The following USP42 variants were observed in gnomAD, a reference collection of about 807,000 sequenced individuals.
USP42 encodes ubiquitin carboxyl-terminal hydrolase 42.
In USP42, 23 loss-of-function variants were observed where a neutral mutation model predicts 113.0. That is an observed-to-expected ratio of 0.20 (90% CI 0.15 to 0.29). The LOEUF (loss-of-function observed/expected upper bound fraction) is 0.29. Ranked by LOEUF, USP42 falls within the 10% of genes least tolerant of loss-of-function variation. The pLI is 1.00. For synonymous variants in USP42, 933 were observed against 699.0 expected (o/e 1.33, Z -5.28); for missense variants, 2,174 against 1,779.8 (o/e 1.22, Z -3.99).
At chr7:6,134,375 G>C (rs1781016356) in intron 3 of USP42, among the ~76,000 whole-genome samples, 1 of 152,164 alleles carries the variant, frequency 6.6e-6, no homozygotes, top group Non-Finnish European at 1.5e-5. Flanking sequence ...TGTACTGTTT[G>C]ATTGGATGCC....
At position 6,139,218 on chromosome 7, in the gene USP42, A is replaced by G. The variant is rs1781318164; in HGVS notation, c.656+24A>G. 6.6e-7 allele frequency: 1 copy of G among 1,520,872 alleles called. No individual in the cohort carries two copies. The highest frequency in any genetic ancestry group is 1.2e-5 in the South Asian group (1 of 81,346). 94.2% of individuals were successfully genotyped at this position (1,520,872 alleles called of 1,614,324 possible). ...AAGTAAGTACAACAGAGCGCCAGCC[A>G]TGTCTTCATTGGGGATCTCTGGTTG... On this transcript the variant is annotated intron_variant, in intron 5 of 17. Coordinates refer to ENST00000306177, the MANE Select transcript of USP42 (RefSeq NM_032172.3). This position sits in a 1 kb window ranked among gnomAD's most constrained non-coding sequence, Gnocchi z 4.5.
At chr7:6,122,377 C>G (rs1460036755) in intron 3 of USP42, among the ~76,000 whole-genome samples, 1 of 151,294 alleles carries the variant, frequency 6.6e-6, no homozygotes, top group African/African-American at 2.4e-5. Context: ...CCTCAACCTT[C>G]TGGGTTCAAG....
At chr7:6,104,684 C>T (rs536304456), upstream of USP42, among the ~76,000 whole-genome samples, 42 of 152,272 alleles carry the variant, frequency 2.8e-4, no homozygotes, top group African/African-American at 9.9e-4. Context: ...GCGCGACCAG[C>T]CCAGCCAATC....
chr7:6,111,942 C>G (rs1779620022), intron 2 of USP42: 1 of 152,470 alleles, frequency 6.6e-6, no homozygotes, highest in Admixed American at 6.6e-5. Context: ...TAAGAATAAA[C>G]TTTATCTTGG....
chr7:6,088,544 A>T, the USP42 span, among the ~76,000 whole-genome samples: 1 of 151,166 alleles, frequency 6.6e-6, no homozygotes, highest in Non-Finnish European at 1.5e-5. Flanking sequence ...GGCATGAGCC[A>T]CCGTGCATGG....
the USP42 span, among the ~76,000 whole-genome samples, chr7:6,089,295 A>G: frequency 6.7e-6 from 1 of 148,834 alleles, no homozygotes; most frequent in South Asian, 2.1e-4. Context: ...CTTAGGTGAT[A>G]CACCCACCTT....
chr7:6,120,325 C>G (rs1173953895), intron 3 of USP42, among the ~76,000 whole-genome samples: 1 of 152,170 alleles, frequency 6.6e-6, no homozygotes, highest in Non-Finnish European at 1.5e-5. Flanking sequence ...TCACTGTAAC[C>G]TCCACCTCTT....
chr7:6,120,635 G>A (rs190683511), intron 3 of USP42, among the ~76,000 whole-genome samples: 1 of 152,246 alleles, frequency 6.6e-6, no homozygotes, highest in Non-Finnish European at 1.5e-5. Context: ...CCAGGCTGGA[G>A]TGCAGTGGCA....
At chr7:6,126,264 C>T (rs1211944946) in intron 3 of USP42, among the ~76,000 whole-genome samples, 1 of 151,352 alleles carries the variant, frequency 6.6e-6, no homozygotes, top group Non-Finnish European at 1.5e-5. Context: ...GGTAGTATTT[C>T]ATGGTATGGA....
chr7:6,135,599 C>T (rs1314432655), intron 3 of USP42, among the ~76,000 whole-genome samples: 2 of 137,934 alleles, frequency 1.4e-5, no homozygotes, highest in African/African-American at 2.8e-5. Flanking sequence ...TTGCAGTGAG[C>T]CAGGGTCACA....
At chr7:6,153,344 C>A (rs1355807676) in intron 14 of USP42, among the ~76,000 whole-genome samples, 1 of 151,530 alleles carries the variant, frequency 6.6e-6, no homozygotes, top group East Asian at 1.9e-4. Flanking sequence ...AGAGGGATAT[C>A]CAGAAACAGG....
chr7:6,113,690 C>T (rs556135301), intron 2 of USP42, among the ~76,000 whole-genome samples: 16 of 151,874 alleles, frequency 1.1e-4, no homozygotes, highest in Non-Finnish European at 2.1e-4. Flanking sequence ...GTTGCAATCT[C>T]GGCTCACTGC....
chr7:6,128,794 T>A (rs1422126230), intron 3 of USP42, among the ~76,000 whole-genome samples: 1 of 152,172 alleles, frequency 6.6e-6, no homozygotes, highest in Non-Finnish European at 1.5e-5. Context: ...CAAAATTACA[T>A]CATTTTGCTT....
chr7:6,126,059 C>G (rs1034347561), intron 3 of USP42, among the ~76,000 whole-genome samples: 2 of 152,176 alleles, frequency 1.3e-5, no homozygotes, highest in African/African-American at 4.8e-5. Flanking sequence ...GTTTCCCTTT[C>G]CAAGCCCACT....
intron 3 of USP42, among the ~76,000 whole-genome samples, chr7:6,131,654 G>GC (rs1340102004): frequency 1.3e-5 from 2 of 152,104 alleles, no homozygotes; most frequent in African/African-American, 2.4e-5. Context: ...AGTTGTTGGG[G>GC]CTTCCAGGTT....
At chr7:6,109,395 TTTTC>T (rs1583571920) in intron 1 of USP42, among the ~76,000 whole-genome samples, 3 of 152,238 alleles carry the variant, frequency 2.0e-5, no homozygotes, top group South Asian at 4.1e-4. Flanking sequence ...CTTCCTTTCC[TTTTC>T]TTTCTTTCTT....
rs1782770894 is a variant in USP42 at position 6,161,328 on chromosome 7, A to G, written c.*810A>G. On this transcript the variant is annotated 3_prime_UTR_variant, in exon 18 of 18. Transcript: ENST00000306177. ...CTGTGATTTTATTTTTAATATGGAT[A>G]TGCTATCAAACTGTGATACACTTAT... is the stretch of plus-strand genomic sequence containing the variant. 1 of 152,590 alleles carries G rather than the reference A, an allele frequency of 6.6e-6. No homozygotes were observed. Among genetic ancestry groups the G allele is most frequent in the African/African-American group, 2.4e-5 (1 of 41,440 alleles). The allele number at this position is 152,590 out of a possible 1,614,324, so 9.5% of individuals were successfully genotyped here.
rs769902637 is a variant in USP42 at position 6,154,455 on chromosome 7, A to G, written c.2901A>G (p.Arg967=). The G allele has an allele frequency of 1.4e-4, 225 of 1,563,726 alleles. No homozygotes were observed. Among genetic ancestry groups the G allele is most frequent in the Non-Finnish European group, 1.2e-4 (140 of 1,155,598 alleles). Reference sequence around the variant, plus strand: ...GCTCGTCCAGCGGGGAGCCCGCCAGAGAGAGCAGGAGCAAGACTGAGGGCC... The same window carrying G: ...GCTCGTCCAGCGGGGAGCCCGCCAGGGAGAGCAGGAGCAAGACTGAGGGCC... ...RERSSSGEPA[R]ESRSKTEGHR... The change falls in exon 15 of 18, where the codon AGA becomes AGG. Residue 967 remains arginine, a synonymous_variant. Coordinates refer to ENST00000306177, the MANE Select transcript of USP42 (RefSeq NM_032172.3).
At chr7:6,125,076 GA>G (rs1780451665) in intron 3 of USP42, among the ~76,000 whole-genome samples, 1 of 151,608 alleles carries the variant, frequency 6.6e-6, no homozygotes, top group Non-Finnish European at 1.5e-5. Flanking sequence ...AGTTATTCAG[GA>G]GGCTGAGGCA....
Sources: allele counts gnomAD v4.1 joint callset (sites outside exome capture counted in the v4.1 genomes callset), GRCh38; gene constraint gnomAD v4.1.1; non-coding constraint Gnocchi (gnomAD v3.1); transcripts MANE v1.5; gene names NCBI Gene and HGNC (gene_info 2026-07-23, HGNC 2026-07-21).